Variants in PLA2R1 observed in about 807,000 individuals in gnomAD.
PLA2R1 encodes secretory phospholipase A2 receptor.
PLA2R1 carries 158 observed loss-of-function variants against 195.9 expected under a neutral mutation model. That is an observed-to-expected ratio of 0.81 (90% CI 0.71 to 0.92). The LOEUF is 0.92. PLA2R1 is among the 40% of genes least tolerant of loss of function. PLA2R1 has a pLI of 0.00. For missense variants in PLA2R1, 1,626 were observed against 1,764.6 expected, an observed-to-expected ratio of 0.92 and a Z score of 1.41; for synonymous variants, 586 against 598.2, an observed-to-expected ratio of 0.98 and a Z score of 0.30.
chr2:159,989,078 C>T (rs111977244), intron 11 of PLA2R1, among the ~76,000 whole-genome samples: 4 of 152,256 alleles, frequency 2.6e-5, no homozygotes, highest in South Asian at 2.1e-4. Flanking sequence ...AGAGGAAACA[C>T]GCTATCCCTC....
chr2:160,031,798 G>A lies in PLA2R1; in HGVS notation c.841+1161C>T, dbSNP rs187091391. Among the ~76,000 whole-genome samples the A allele has an allele frequency of 3.6e-4, 55 of 152,102 alleles. 1 individual carries two copies. The East Asian group carries it at 4.1e-3, about 11-fold the overall frequency. ...TTTATGTATTTTGATATGAAGGCTC[G>A]TTCTGCCACCCAGGCTGGAGTGCAA... On this transcript the variant is annotated intron_variant, in intron 4 of 29. Coordinates refer to ENST00000283243, the MANE Select transcript of PLA2R1 (RefSeq NM_007366.5).
chr2:160,012,046 G>A (rs1692399933), intron 10 of PLA2R1, among the ~76,000 whole-genome samples: 1 of 152,114 alleles, frequency 6.6e-6, no homozygotes, highest in Non-Finnish European at 1.5e-5. Context: ...AGGGTAAGAG[G>A]AGGAAGGACA....
chr2:160,008,471 G>C (rs1692144990), intron 10 of PLA2R1, among the ~76,000 whole-genome samples: 1 of 152,164 alleles, frequency 6.6e-6, no homozygotes, highest in African/African-American at 2.4e-5. Flanking sequence ...TCAATAAACT[G>C]TGCAGGGAAA....
chr2:159,980,040 A>G, intron 13 of PLA2R1, 126 bp from the exon 14 acceptor site: 1 of 440,632 alleles, frequency 2.3e-6, no homozygotes, highest in Admixed American at 4.1e-5. Context: ...GTGCACATGT[A>G]CCCTAAAACT....
chr2:159,976,119 GAGA>G lies in PLA2R1; in HGVS notation c.2541_2543del (p.Leu848del), dbSNP rs750591220. 6.2e-6 allele frequency: 10 copies of G among 1,612,992 alleles called. No homozygotes were observed. The highest frequency in any genetic ancestry group is 1.3e-5 in the African/African-American group (1 of 74,992). On this transcript the variant is annotated inframe_deletion, in exon 17 of 30. Transcript: ENST00000283243. ...CTTGCTCATGTGCAGAATGAATTGT[GAGA>G]AGATCACTGTGCAGCCAGCTACAGA...
chr2:159,968,289 C>T (rs996095022), intron 19 of PLA2R1, among the ~76,000 whole-genome samples: 2 of 150,942 alleles, frequency 1.3e-5, no homozygotes, highest in East Asian at 3.9e-4. Flanking sequence ...TTATAGAATG[C>T]ATTTTATTGG....
chr2:160,028,102 A>C, intron 6 of PLA2R1, 116 bp downstream of exon 6: 1 of 649,026 alleles, frequency 1.5e-6, no homozygotes, highest in Non-Finnish European at 2.6e-6. Context: ...ATATAAATAT[A>C]AACTAGATTT....
intron 1 of PLA2R1, among the ~76,000 whole-genome samples, chr2:160,058,069 C>G (rs1014011538): frequency 5.3e-5 from 8 of 151,958 alleles, no homozygotes; most frequent in Non-Finnish European, 1.0e-4. Flanking sequence ...CCTCTCTGGT[C>G]TCATGTCCTC....
chr2:160,047,911 G>T (rs145430148), intron 1 of PLA2R1, among the ~76,000 whole-genome samples: 24 of 152,080 alleles, frequency 1.6e-4, no homozygotes. Flanking sequence ...CTGAGGCCTC[G>T]GCCTCCCAGG....
intron 20 of PLA2R1, among the ~76,000 whole-genome samples, chr2:159,960,788 T>C (rs1010961532): frequency 6.6e-6 from 1 of 152,234 alleles, no homozygotes; most frequent in African/African-American, 2.4e-5. Flanking sequence ...AATTTCTGTG[T>C]ATCTCAGTTT....
Position 159,947,496 on chromosome 2 carries a change from T to C in PLA2R1, c.3773A>G (p.Lys1258Arg), listed in dbSNP as rs776872279. 4 of 1,613,148 alleles carry C rather than the reference T, an allele frequency of 2.5e-6. No homozygotes were observed. The highest frequency in any genetic ancestry group is 1.7e-5 in the Admixed American group (1 of 59,980). ...TGTAGAAAAACTGTAGCAATTACTTTTAAATTTTATCCAGGGAATAGATGT... is the reference window on the plus strand; with the variant it reads ...TGTAGAAAAACTGTAGCAATTACTTCTAAATTTTATCCAGGGAATAGATGT... ...SETSIPWIKFKSNCYSFSTVL... is the reference protein window; with the variant it reads ...SETSIPWIKFRSNCYSFSTVL... Residue 1258 changes from lysine (K) to arginine (R), a missense_variant, in exon 26 of 30, where the codon AAA becomes AGA. Transcript: ENST00000283243.
chr2:160,048,764 G>A (rs1425698173), intron 1 of PLA2R1, among the ~76,000 whole-genome samples: 1 of 151,810 alleles, frequency 6.6e-6, no homozygotes, highest in Non-Finnish European at 1.5e-5. Context: ...TCTCTTTGCA[G>A]GAAAATGTTA....
rs538507767 is a variant in PLA2R1, at chr2:159,967,669, C to A, written c.2774G>T (p.Gly925Val). 7.4e-5 allele frequency: 119 copies of A among 1,613,334 alleles called. No homozygotes were observed. The Admixed American group carries it at 1.5e-3, about 20-fold the overall frequency. Reference sequence around the variant, plus strand: ...CATAGAAACTGAACACTCTTCACTACCCCAGAGTCCTGGAGGAGAAAATGG... The same window carrying A: ...CATAGAAACTGAACACTCTTCACTAACCCAGAGTCCTGGAGGAGAAAATGG... ...GFISSITGLW[G>V]SEECSVSMPS... The change falls in exon 20 of 30, where the codon GGT becomes GTT. Residue 925 changes from glycine (G) to valine (V), a missense_variant. Gly to Val is a moderately radical substitution (Grantham distance 109). Transcript: ENST00000283243.
At chr2:160,040,175 A>T (rs992844805) in intron 3 of PLA2R1, among the ~76,000 whole-genome samples, 3 of 152,110 alleles carry the variant, frequency 2.0e-5, no homozygotes, top group Admixed American at 6.5e-5. Flanking sequence ...ATACATTTAG[A>T]TTCAAATAGA....
At chr2:160,061,136 C>G (rs1442762275) in intron 1 of PLA2R1, among the ~76,000 whole-genome samples, 1 of 152,172 alleles carries the variant, frequency 6.6e-6, no homozygotes, top group African/African-American at 2.4e-5. Flanking sequence ...TGTGTTACCC[C>G]TTCTCTCCAA....
intron 10 of PLA2R1, among the ~76,000 whole-genome samples, chr2:160,010,749 T>C (rs1279222148): frequency 1.3e-5 from 2 of 152,228 alleles, no homozygotes; most frequent in African/African-American, 2.4e-5. Context: ...AGCAGTACAG[T>C]GTGGACCCTT....
chr2:160,053,348 T>TGG (rs5835790), intron 1 of PLA2R1, among the ~76,000 whole-genome samples: 11 of 139,618 alleles, frequency 7.9e-5, no homozygotes, highest in African/African-American at 2.2e-4. Flanking sequence ...ACGAATTTGG[T>TGG]GGGGGGGGGG....
chr2:159,931,550 T>C (rs989106849), downstream of PLA2R1, among the ~76,000 whole-genome samples: 1 of 152,138 alleles, frequency 6.6e-6, no homozygotes, highest in Non-Finnish European at 1.5e-5. Flanking sequence ...ACTCAAATTG[T>C]TCTACAGCTA....
At chr2:160,050,292 A>G (rs1284938467) in intron 1 of PLA2R1, among the ~76,000 whole-genome samples, 1 of 152,238 alleles carries the variant, frequency 6.6e-6, no homozygotes, top group East Asian at 1.9e-4. Flanking sequence ...ACACACATGT[A>G]CTTGCCCACT....
Sources: allele counts gnomAD v4.1 joint callset (sites outside exome capture counted in the v4.1 genomes callset), GRCh38; gene constraint gnomAD v4.1.1; transcripts MANE v1.5; gene names NCBI Gene and HGNC (gene_info 2026-07-23, HGNC 2026-07-21).